CTSS: variants seen among roughly 807,000 people sequenced by gnomAD.
CTSS encodes cathepsin S.
Under a neutral mutation model 39.9 loss-of-function variants are expected in CTSS, and 15 were observed. The ratio of observed to expected loss-of-function variants is 0.38; its 90% CI spans 0.25 to 0.58. CTSS has a LOEUF of 0.58. CTSS is among the 20% of genes least tolerant of loss of function. The pLI is 0.70. For synonymous variants in CTSS, 126 were observed against 138.2 expected (o/e 0.91, Z 0.62); for missense variants, 250 against 398.2 (o/e 0.63, Z 3.17).
At chr1:150,757,529 G>T (rs1257555618) in intron 3 of CTSS, among the ~76,000 whole-genome samples, 3 of 151,858 alleles carry the variant, frequency 2.0e-5, no homozygotes, top group Non-Finnish European at 4.4e-5. Context: ...TGTCAATCTA[G>T]ACTTAAATAA....
intron 7 of CTSS, among the ~76,000 whole-genome samples, chr1:150,741,793 T>C (rs1652762102): frequency 6.6e-6 from 1 of 151,452 alleles, no homozygotes; most frequent in Non-Finnish European, 1.5e-5. Context: ...GAGAATCACT[T>C]GAACCTGGGA....
chr1:150,764,709 G>A lies in CTSS; in HGVS notation c.55C>T (p.His19Tyr). The part of the protein sequence containing the change: ...LVCSSAVAQL[H>Y]KDPTLDHHWH... ...TGGTGATCCAGGGTAGGATCTTTAT[G>A]CAACTGTGCCACTGCAGAGGAGCAC... Residue 19 changes from histidine (H) to tyrosine (Y), a missense_variant, in exon 2 of 8, where the codon CAT (histidine) becomes TAT (tyrosine). Physicochemically the swap from His to Tyr is moderately conservative, Grantham distance 83. Transcript: ENST00000368985. 1 of 1,614,086 alleles carries A rather than the reference G, an allele frequency of 6.2e-7. No homozygotes were observed.
intron 7 of CTSS, among the ~76,000 whole-genome samples, chr1:150,739,169 T>G (rs1652695441): frequency 6.6e-6 from 1 of 152,194 alleles, no homozygotes; most frequent in Non-Finnish European, 1.5e-5. Context: ...TACTCCAGCC[T>G]GGGCAACAGA....
At chr1:150,751,500 G>A (rs1219668719) in intron 5 of CTSS, among the ~76,000 whole-genome samples, 19 of 152,048 alleles carry the variant, frequency 1.2e-4, no homozygotes, top group African/African-American at 3.6e-4. Flanking sequence ...CACCCACCTC[G>A]GCCTTCCAAA....
chr1:150,758,576 G>A (rs1475133309), intron 2 of CTSS, among the ~76,000 whole-genome samples: 3 of 151,084 alleles, frequency 2.0e-5, no homozygotes, highest in South Asian at 2.1e-4. Flanking sequence ...TCTGTCACTC[G>A]GCTGGATGGA....
intron 7 of CTSS, among the ~76,000 whole-genome samples, chr1:150,734,073 G>A (rs1246262707): frequency 6.6e-6 from 1 of 150,570 alleles, no homozygotes; most frequent in Non-Finnish European, 1.5e-5. Context: ...TTGTTGCCCA[G>A]ACTGGAGTGC....
At chr1:150,764,964 T>C (rs1232977375) in intron 1 of CTSS, among the ~76,000 whole-genome samples, 200 bp from the exon 2 acceptor site, 1 of 152,208 alleles carries the variant, frequency 6.6e-6, no homozygotes, top group African/African-American at 2.4e-5. Flanking sequence ...CTTCCAATGC[T>C]TAGTAGCACT....
chr1:150,742,696 T>C (rs1652792282), intron 7 of CTSS, among the ~76,000 whole-genome samples: 1 of 151,868 alleles, frequency 6.6e-6, no homozygotes. Context: ...AAAGAGAAAA[T>C]ACATATAAAA....
chr1:150,741,106 A>G (rs1571094090), intron 7 of CTSS, among the ~76,000 whole-genome samples: 1 of 152,054 alleles, frequency 6.6e-6, no homozygotes, highest in Non-Finnish European at 1.5e-5. Flanking sequence ...AGCTCAAAAA[A>G]TCCTCCTACC....
chr1:150,741,221 C>T (rs1393854011), intron 7 of CTSS, among the ~76,000 whole-genome samples: 1 of 151,734 alleles, frequency 6.6e-6, no homozygotes, highest in Non-Finnish European at 1.5e-5. Flanking sequence ...TGGTCTTAAA[C>T]TCCTGGCCTC....
rs587752573 is a variant in CTSS, at chr1:150,755,594, G to T, written c.250-444C>A. ...ATCTCTACTAAAAATACAAAAATTAGCTGGGCATGGTGGTGCATGCCTGTA... is the reference window on the plus strand; with the variant it reads ...ATCTCTACTAAAAATACAAAAATTATCTGGGCATGGTGGTGCATGCCTGTA... On this transcript the variant is annotated intron_variant, in intron 3 of 7. Transcript: ENST00000368985. Among the ~76,000 whole-genome samples, 7 of 152,220 alleles carry T rather than the reference G, an allele frequency of 4.6e-5. No individual in the cohort carries two copies. The South Asian group carries it at 1.5e-3, about 32-fold the overall frequency.
intron 7 of CTSS, among the ~76,000 whole-genome samples, chr1:150,746,448 C>T (rs1329202978): frequency 1.3e-5 from 2 of 152,058 alleles, no homozygotes; most frequent in East Asian, 1.9e-4. Context: ...GTCTGTGCTG[C>T]GGATATGAAG....
chr1:150,730,499 A>T lies in CTSS; in HGVS notation c.*2547T>A, dbSNP rs1652496534. On this transcript the variant is annotated 3_prime_UTR_variant, in exon 8 of 8. Coordinates refer to ENST00000368985, the MANE Select transcript of CTSS (RefSeq NM_004079.5). ...ACATGACAGTCTTATGATCTACTTCAGGGGAAGGTCAGAAAATCCTTCCCA... is the reference window on the plus strand; with the variant it reads ...ACATGACAGTCTTATGATCTACTTCTGGGGAAGGTCAGAAAATCCTTCCCA... The T allele has an allele frequency of 6.6e-6, 1 of 152,172 alleles. No individual in the cohort carries two copies. The highest frequency in any genetic ancestry group is 1.5e-5 in the Non-Finnish European group (1 of 68,018). 9.4% of individuals were successfully genotyped at this position (152,172 alleles called of 1,614,324 possible). A position where few individuals can be genotyped will look rare whatever the true frequency, so the allele number is the denominator to read the frequency against.
At position 150,757,936 on chromosome 1, in the gene CTSS, CTT is replaced by C; in HGVS notation, c.169_170del (p.Lys57ValfsTer29). ...VRRLIWEKNL[K>X]FVMLHNLEHS... ...GCTCCAGGTTGTGAAGCATCACAAA[CTT>C]TAGATTCTTTTCCCAGATGAGACGT... On this transcript the variant is annotated frameshift_variant, in exon 3 of 8. Transcript: ENST00000368985. LOFTEE classifies it high-confidence loss of function. The C allele has an allele frequency of 6.2e-7, 1 of 1,613,908 alleles. No homozygotes were observed. Among genetic ancestry groups the C allele is most frequent in the Non-Finnish European group, 8.5e-7 (1 of 1,179,906 alleles).
chr1:150,759,370 G>A (rs1390526695), intron 2 of CTSS, among the ~76,000 whole-genome samples: 3 of 151,852 alleles, frequency 2.0e-5, no homozygotes, highest in African/African-American at 4.8e-5. Flanking sequence ...ACTCCTATCC[G>A]AAGTATTTTG....
chr1:150,757,820 C>T (rs761146173), intron 3 of CTSS, 38 bp downstream of exon 3: 17 of 1,599,710 alleles, frequency 1.1e-5, no homozygotes, highest in Non-Finnish European at 1.5e-5. Context: ...ATGATATTTA[C>T]CCAGACGTGA....
intron 3 of CTSS, among the ~76,000 whole-genome samples, chr1:150,756,366 A>G (rs1257842496): frequency 1.3e-5 from 2 of 152,258 alleles, no homozygotes; most frequent in Non-Finnish European, 2.9e-5. Flanking sequence ...ACACTCTAAA[A>G]TAACAATTAA....
intron 2 of CTSS, among the ~76,000 whole-genome samples, chr1:150,759,108 G>C (rs1361219358): frequency 6.6e-6 from 1 of 151,008 alleles, no homozygotes; most frequent in African/African-American, 2.4e-5. Flanking sequence ...GGCCTTAAAG[G>C]ATCCTTCCCC....
At chr1:150,764,329 C>T (rs1653321219) in intron 2 of CTSS, among the ~76,000 whole-genome samples, 1 of 152,128 alleles carries the variant, frequency 6.6e-6, no homozygotes, top group African/African-American at 2.4e-5. Flanking sequence ...CCTCCGCCTT[C>T]CCGGCTCAAG....
Sources: gnomAD v4.1 joint callset for allele counts (sites outside exome capture counted in the v4.1 genomes callset) on GRCh38, gnomAD v4.1.1 for gene constraint, MANE v1.5 for transcripts, NCBI Gene and HGNC (gene_info 2026-07-23, HGNC 2026-07-21) for gene names.